LRBA: variants seen among roughly 807,000 people sequenced by gnomAD.
LRBA encodes lipopolysaccharide-responsive and beige-like anchor protein.
In LRBA, 176 loss-of-function variants were observed where a neutral mutation model predicts 330.0. The observed-to-expected ratio is 0.53, with a 90% CI of 0.47 to 0.60. LRBA has a LOEUF of 0.60. Among genes scored for constraint, LRBA ranks in the 20% least tolerant of loss-of-function variants. The pLI, the probability that LRBA is intolerant of heterozygous loss-of-function variation, is 0.00. For missense variants in LRBA, 3,259 were observed against 3,444.8 expected (o/e 0.95, Z 1.35); for synonymous variants, 1,230 against 1,193.0 (o/e 1.03, Z -0.64).
At chr4:150,568,197 C>G (rs974523314) in intron 40 of LRBA, among the ~76,000 whole-genome samples, 2 of 151,948 alleles carry the variant, frequency 1.3e-5, no homozygotes, top group Non-Finnish European at 2.9e-5. Context: ...AAAAATAAAT[C>G]AGAGAGAGCT....
rs769603284 is a variant in LRBA at position 151,014,669 on chromosome 4, AG to A, written c.-28del. 10 of 1,525,594 alleles carry A rather than the reference AG, an allele frequency of 6.6e-6. No homozygotes were observed. The Admixed American group carries it at 1.9e-4, about 29-fold the overall frequency. 94.5% of individuals were successfully genotyped at this position (1,525,594 alleles called of 1,614,324 possible). A position where few individuals can be genotyped will look rare whatever the true frequency, so the allele number is the denominator to read the frequency against. On this transcript the variant is annotated 5_prime_UTR_variant, in exon 2 of 57. Transcript: ENST00000651943. The stretch of plus-strand genomic sequence containing the variant: ...GCTAGCTCACGATAAAGGACAACTC[AG>A]AGTCACCCTGGGACGGCAGTCGCTG...
At chr4:150,392,420 C>T (rs1744112860) in intron 47 of LRBA, among the ~76,000 whole-genome samples, 1 of 152,118 alleles carries the variant, frequency 6.6e-6, no homozygotes, top group Non-Finnish European at 1.5e-5. Context: ...TTTGCTGTTT[C>T]TTCTTATAAG....
At chr4:150,386,614 T>C (rs1469041007) in intron 47 of LRBA, among the ~76,000 whole-genome samples, 1 of 152,164 alleles carries the variant, frequency 6.6e-6, no homozygotes, top group African/African-American at 2.4e-5. Flanking sequence ...TTTTTATGGC[T>C]GCATACTATT....
chr4:150,844,575 C>CT, intron 27 of LRBA, 83 bp downstream of exon 27: 2 of 1,272,358 alleles, frequency 1.6e-6, no homozygotes, highest in Non-Finnish European at 2.2e-6. Context: ...ATTTATTTAA[C>CT]TTTATGTTGA....
chr4:150,603,945 T>C (rs1012641330), intron 37 of LRBA, among the ~76,000 whole-genome samples: 2 of 152,184 alleles, frequency 1.3e-5, no homozygotes, highest in African/African-American at 2.4e-5. Flanking sequence ...TTATGGTTAC[T>C]GATTTGATCA....
intron 2 of LRBA, among the ~76,000 whole-genome samples, chr4:151,011,077 C>G (rs1045854126): frequency 6.6e-6 from 1 of 151,526 alleles, no homozygotes; most frequent in Non-Finnish European, 1.5e-5. Context: ...GTCCCAGCTA[C>G]TTGGGAGGCT....
chr4:150,449,560 T>A (rs568852498), intron 44 of LRBA, among the ~76,000 whole-genome samples: 2 of 147,344 alleles, frequency 1.4e-5, no homozygotes, highest in Admixed American at 6.7e-5. Flanking sequence ...CATAAAAAAA[T>A]GCCTCTGTGG....
chr4:150,458,503 A>G (rs1410888143), intron 44 of LRBA, among the ~76,000 whole-genome samples: 1 of 151,882 alleles, frequency 6.6e-6, no homozygotes, highest in Non-Finnish European at 1.5e-5. Flanking sequence ...TAGGATCCTC[A>G]AAATTAAGTA....
chr4:150,611,270 T>C (rs1775230785), intron 37 of LRBA, among the ~76,000 whole-genome samples: 1 of 152,216 alleles, frequency 6.6e-6, no homozygotes, highest in South Asian at 2.1e-4. Context: ...TTACATGTGA[T>C]CTCATTTAAT....
chr4:150,489,263 A>C (rs147003210), intron 41 of LRBA, among the ~76,000 whole-genome samples: 56,304 of 71,264 alleles, frequency 0.79, 23,253 homozygotes, highest in Non-Finnish European at 0.89. Flanking sequence ...ATTATATATA[A>C]GAATATATAA....
intron 34 of LRBA, among the ~76,000 whole-genome samples, chr4:150,792,258 A>C (rs1052697098): frequency 7.2e-5 from 11 of 151,812 alleles, no homozygotes; most frequent in Non-Finnish European, 1.5e-4. Flanking sequence ...ATGAATAGCT[A>C]ACCACTCCAC....
At chr4:150,675,974 T>C (rs1342946677) in intron 37 of LRBA, among the ~76,000 whole-genome samples, 1 of 152,214 alleles carries the variant, frequency 6.6e-6, no homozygotes, top group African/African-American at 2.4e-5. Context: ...CTTATTTTAA[T>C]AGTAAGATTG....
chr4:150,817,917 T>G (rs1446976280), intron 30 of LRBA, among the ~76,000 whole-genome samples: 1 of 152,112 alleles, frequency 6.6e-6, no homozygotes, highest in Non-Finnish European at 1.5e-5. Flanking sequence ...AAGGCATTTT[T>G]AATTGAAGTT....
intron 2 of LRBA, among the ~76,000 whole-genome samples, chr4:150,977,268 G>C (rs2149597074): frequency 6.6e-6 from 1 of 152,288 alleles, no homozygotes; most frequent in African/African-American, 2.4e-5. Flanking sequence ...CTTGCATCTT[G>C]GATACTAGCT....
At chr4:150,872,254 T>C (rs1753525248) in intron 18 of LRBA, among the ~76,000 whole-genome samples, 1 of 152,204 alleles carries the variant, frequency 6.6e-6, no homozygotes, top group South Asian at 2.1e-4. Context: ...AATATCTGTA[T>C]TCAGCTAAGA....
intron 2 of LRBA, among the ~76,000 whole-genome samples, chr4:150,931,600 C>CA (rs367728964): frequency 0.093 from 9,181 of 98,442 alleles, 489 homozygotes; most frequent in African/African-American, 0.2. Flanking sequence ...TCTCCATATT[C>CA]AAAAAAAAAA....
intron 37 of LRBA, among the ~76,000 whole-genome samples, chr4:150,625,293 A>G (rs947042462): frequency 2.6e-5 from 4 of 152,208 alleles, no homozygotes; most frequent in African/African-American, 9.6e-5. Flanking sequence ...ACATCATACA[A>G]GTGACCAGAG....
chr4:150,298,387 A>C (rs1281224103), intron 53 of LRBA, among the ~76,000 whole-genome samples: 2 of 152,142 alleles, frequency 1.3e-5, no homozygotes, highest in Non-Finnish European at 2.9e-5. Flanking sequence ...AAAATTTAGA[A>C]TGCCTTAAAG....
intron 13 of LRBA, among the ~76,000 whole-genome samples, chr4:150,902,455 A>C (rs1309694204): frequency 6.6e-6 from 1 of 152,158 alleles, no homozygotes; most frequent in Non-Finnish European, 1.5e-5. Flanking sequence ...ACTTCCTAGA[A>C]CTAAATCAAA....
Sources: allele counts gnomAD v4.1 joint callset (sites outside exome capture counted in the v4.1 genomes callset), GRCh38; gene constraint gnomAD v4.1.1; transcripts MANE v1.5; gene names NCBI Gene and HGNC (gene_info 2026-07-23, HGNC 2026-07-21).